Variants in NAV3 observed in about 807,000 individuals in gnomAD.
NAV3 encodes pore membrane and/or filament interacting like protein 1.
A neutral mutation model predicts 244.7 loss-of-function variants in NAV3; 87 were observed. The observed-to-expected ratio is 0.36, with a 90% confidence interval of 0.30 to 0.42. NAV3 has a LOEUF of 0.42. NAV3 is among the 20% of genes least tolerant of loss of function. NAV3 has a pLI of 1.00. For synonymous variants in NAV3, 1,126 were observed against 1,042.2 expected, an observed-to-expected ratio of 1.08 and a Z score of -1.55; for missense variants, 2,663 against 2,893.3, an observed-to-expected ratio of 0.92 and a Z score of 1.83.
chr12:77,963,790 A>G (rs527533579), intron 3 of NAV3, among the ~76,000 whole-genome samples: 1 of 151,394 alleles, frequency 6.6e-6, no homozygotes, highest in Admixed American at 6.6e-5. Flanking sequence ...AAAATAAAAA[A>G]GAATGTATTA....
intron 1 of NAV3, among the ~76,000 whole-genome samples, chr12:77,851,723 T>C (rs1439488315): frequency 6.6e-6 from 1 of 152,166 alleles, no homozygotes; most frequent in East Asian, 1.9e-4. Flanking sequence ...TTATATATTA[T>C]GATATGGTAA....
chr12:77,967,301 CAAT>C (rs1183605295), intron 4 of NAV3, among the ~76,000 whole-genome samples: 1 of 151,900 alleles, frequency 6.6e-6, no homozygotes, highest in African/African-American at 2.4e-5. Flanking sequence ...AATAATAAAA[CAAT>C]AATTTTTTAA....
intron 12 of NAV3, among the ~76,000 whole-genome samples, chr12:78,115,514 G>T (rs1055416023): frequency 1.3e-5 from 2 of 152,100 alleles, no homozygotes; most frequent in Non-Finnish European, 2.9e-5. Flanking sequence ...TGAAGGTGCT[G>T]TGTTAGCCTC....
chr12:78,167,067 A>C (rs889221196), intron 23 of NAV3, among the ~76,000 whole-genome samples: 4 of 151,964 alleles, frequency 2.6e-5, no homozygotes, highest in South Asian at 4.1e-4. Context: ...GTAGGAGCAG[A>C]ATAAATTTTC....
At chr12:77,620,797 C>A (rs909539481) in intron 2 of NAV3, among the ~76,000 whole-genome samples, 1 of 152,084 alleles carries the variant, frequency 6.6e-6, no homozygotes, top group Non-Finnish European at 1.5e-5. Flanking sequence ...ACCAAGATAG[C>A]TGGCTGCTGA....
At chr12:77,818,661 C>T (rs1872613411) in intron 2 of NAV3, among the ~76,000 whole-genome samples, 1 of 151,924 alleles carries the variant, frequency 6.6e-6, no homozygotes, top group African/African-American at 2.4e-5. Flanking sequence ...TTACAATAAT[C>T]CAGGTTAGTA....
chr12:77,902,255 T>G (rs1263517019), intron 1 of NAV3, among the ~76,000 whole-genome samples: 1 of 152,216 alleles, frequency 6.6e-6, no homozygotes, highest in Non-Finnish European at 1.5e-5. Context: ...CTCTGTGAAT[T>G]GTTCAGTTCC....
At chr12:77,610,918 A>G (rs897536715) in intron 2 of NAV3, among the ~76,000 whole-genome samples, 1 of 151,850 alleles carries the variant, frequency 6.6e-6, no homozygotes, top group Non-Finnish European at 1.5e-5. Context: ...AAGAAAATAG[A>G]GTAAGAGAGA....
At chr12:78,116,210 G>A (rs1955369162) in intron 12 of NAV3, among the ~76,000 whole-genome samples, 1 of 152,056 alleles carries the variant, frequency 6.6e-6, no homozygotes, top group African/African-American at 2.4e-5. Context: ...TATCATGGAT[G>A]GAAATGTGAG....
intron 9 of NAV3, among the ~76,000 whole-genome samples, chr12:78,043,085 TC>T: frequency 6.6e-6 from 1 of 152,074 alleles, no homozygotes; most frequent in South Asian, 2.1e-4. Flanking sequence ...CTCCCCTTGA[TC>T]CCCCCACCCA....
At chr12:78,147,309 T>C (rs1383291091) in intron 21 of NAV3, among the ~76,000 whole-genome samples, 2 of 152,102 alleles carry the variant, frequency 1.3e-5, no homozygotes, top group African/African-American at 4.8e-5. Context: ...ATAGTATAGC[T>C]ACTGAAGCAT....
At chr12:77,767,072 A>C (rs1362219993) in intron 2 of NAV3, among the ~76,000 whole-genome samples, 1 of 152,152 alleles carries the variant, frequency 6.6e-6, no homozygotes, top group African/African-American at 2.4e-5. Flanking sequence ...TTACAAGGGA[A>C]AAATGACTAT....
intron 2 of NAV3, among the ~76,000 whole-genome samples, chr12:77,714,195 G>T (rs532307036): frequency 2.0e-5 from 3 of 152,190 alleles, no homozygotes; most frequent in African/African-American, 7.2e-5. Context: ...GCACAGAGAT[G>T]TCAGATCTCA....
At chr12:77,613,352 A>C (rs187966010) in intron 2 of NAV3, among the ~76,000 whole-genome samples, 1 of 152,268 alleles carries the variant, frequency 6.6e-6, no homozygotes, top group Non-Finnish European at 1.5e-5. Context: ...AAATCAGTCG[A>C]ACACAGTGGT....
intron 9 of NAV3, among the ~76,000 whole-genome samples, chr12:78,039,772 A>AT (rs899786326): frequency 4.1e-4 from 61 of 150,094 alleles, no homozygotes; most frequent in Admixed American, 8.0e-4. Context: ...TGATGCTGTT[A>AT]TTTTTTTTTT....
rs537669763 is a variant in NAV3, at chr12:77,603,669, A to C, written c.72+31403A>C. 2.0e-5 allele frequency among the ~76,000 whole-genome samples: 3 copies of C among 152,220 alleles called. No homozygotes were observed. The East Asian group carries it at 5.8e-4, about 30-fold the overall frequency. ...TCTGCTTTCAGGTACTTTGATGAGCAGAAGCTGGATGGATCGTCATGATGA... is the reference window on the plus strand; with the variant it reads ...TCTGCTTTCAGGTACTTTGATGAGCCGAAGCTGGATGGATCGTCATGATGA... On this transcript the variant is annotated intron_variant, in intron 2 of 8. Coordinates refer to the NAV3 transcript ENST00000550042.
At chr12:78,161,914 C>T (rs1957560807) in intron 23 of NAV3, among the ~76,000 whole-genome samples, 1 of 152,008 alleles carries the variant, frequency 6.6e-6, no homozygotes, top group South Asian at 2.1e-4. Context: ...ATACCTCAGC[C>T]TAGATAATTA....
At position 78,205,055 on chromosome 12, in the gene NAV3, G is replaced by A; in HGVS notation, c.6955G>A (p.Val2319Ile). The A allele has an allele frequency of 6.2e-7, 1 of 1,613,594 alleles. No homozygotes were observed. The highest frequency in any genetic ancestry group is 8.5e-7 in the Non-Finnish European group (1 of 1,179,772). The change falls in exon 39 of 40, where the codon GTT (valine) becomes ATT (isoleucine). Residue 2319 changes from valine to isoleucine, a missense_variant. Physicochemically the swap from Val to Ile is conservative, Grantham distance 29. Coordinates refer to ENST00000397909, the MANE Select transcript of NAV3 (RefSeq NM_001024383.2). Reference protein sequence around the residue: ...PALLQLRPEDVGYESCTSTKE... With the variant: ...PALLQLRPEDIGYESCTSTKE... The stretch of plus-strand genomic sequence containing the variant: ...CTTACTTCAGCTGCGACCAGAAGAT[G>A]TTGGGTATGAAAGCTGCACATCCAC...
At chr12:77,944,678 A>G (rs1264774231) in intron 3 of NAV3, among the ~76,000 whole-genome samples, 1 of 152,128 alleles carries the variant, frequency 6.6e-6, no homozygotes, top group Non-Finnish European at 1.5e-5. Context: ...ATCTTACAGG[A>G]GGTCTGCATG....
Sources: gnomAD v4.1 joint callset for allele counts (sites outside exome capture counted in the v4.1 genomes callset) on GRCh38, gnomAD v4.1.1 for gene constraint, MANE v1.5 for transcripts, NCBI Gene and HGNC (gene_info 2026-07-23, HGNC 2026-07-21) for gene names.